Variants in STK39 observed in about 807,000 individuals in gnomAD.
STK39 encodes the protein STE20/SPS1-related proline-alanine-rich protein kinase.
STK39 carries 20 observed loss-of-function variants against 77.8 expected under a neutral mutation model. That is an observed-to-expected ratio of 0.26 (90% CI 0.18 to 0.37). The LOEUF (loss-of-function observed/expected upper bound fraction) is 0.37, where lower values mean the gene tolerates loss of function less well. Among genes scored for constraint, STK39 ranks in the 10% least tolerant of loss-of-function variants. The pLI is 1.00. For synonymous variants in STK39, 246 were observed against 234.1 expected, an observed-to-expected ratio of 1.05 and a Z score of -0.47; for missense variants, 479 against 656.5, an observed-to-expected ratio of 0.73 and a Z score of 2.95.
intron 5 of STK39, among the ~76,000 whole-genome samples, chr2:168,153,771 G>A (rs941208376): frequency 9.2e-5 from 14 of 152,272 alleles, no homozygotes; most frequent in Non-Finnish European, 1.3e-4. Flanking sequence ...GCAGCAGCAT[G>A]CAAGGTAAGG....
chr2:168,240,455 G>A (rs1486904043), intron 1 of STK39, among the ~76,000 whole-genome samples: 1 of 152,134 alleles, frequency 6.6e-6, no homozygotes, highest in Non-Finnish European at 1.5e-5. Flanking sequence ...AATCGATAAG[G>A]GCCTGAACTA....
rs569731423 is a variant in STK39, at chr2:167,989,474, A to G, written c.1498+23160T>C. Among the ~76,000 whole-genome samples, 111 of 152,300 alleles carry G rather than the reference A, an allele frequency of 7.3e-4. 1 individual carries two copies. The highest frequency in any genetic ancestry group is 2.6e-3 in the African/African-American group (107 of 41,576). ...CATTTCATTTGTATGCAAGAACAAG[A>G]TAAATGAAATCAAGATTTTAAATAG... On this transcript the variant is annotated intron_variant, in intron 16 of 17. Transcript: ENST00000355999.
chr2:168,182,542 A>G (rs1260819741), intron 1 of STK39, among the ~76,000 whole-genome samples: 2 of 152,232 alleles, frequency 1.3e-5, no homozygotes, highest in Non-Finnish European at 2.9e-5. Context: ...CTTGCTCCAC[A>G]ATGAGAAAAA....
intron 14 of STK39, among the ~76,000 whole-genome samples, chr2:168,057,157 T>A (rs1248449854): frequency 6.6e-6 from 1 of 152,204 alleles, no homozygotes; most frequent in African/African-American, 2.4e-5. Context: ...TGGTGGCCCA[T>A]GGCTATGCTC....
At chr2:168,067,247 C>G (rs1685819883) in intron 12 of STK39, among the ~76,000 whole-genome samples, 1 of 152,102 alleles carries the variant, frequency 6.6e-6, no homozygotes, top group African/African-American at 2.4e-5. Context: ...AATGTTATCT[C>G]CAATGTTGGA....
At chr2:168,150,676 T>A (rs928831977) in intron 5 of STK39, among the ~76,000 whole-genome samples, 1 of 151,804 alleles carries the variant, frequency 6.6e-6, no homozygotes. Flanking sequence ...ATTGCGGTTT[T>A]AAATTAAAAG....
intron 1 of STK39, among the ~76,000 whole-genome samples, chr2:168,242,648 C>A (rs1690798717): frequency 6.9e-6 from 1 of 145,368 alleles, no homozygotes; most frequent in Non-Finnish European, 1.5e-5. Context: ...CATTGGGAAG[C>A]CAAGGCCGGA....
intron 1 of STK39, among the ~76,000 whole-genome samples, chr2:168,243,745 C>CCAA (rs1553465127): frequency 6.6e-6 from 1 of 152,204 alleles, no homozygotes; most frequent in Non-Finnish European, 1.5e-5. Flanking sequence ...CATTCCATTA[C>CCAA]GGATGGCCAA....
chr2:167,989,741 A>G (rs1001858122), intron 16 of STK39, among the ~76,000 whole-genome samples: 3 of 152,188 alleles, frequency 2.0e-5, no homozygotes, highest in African/African-American at 7.2e-5. Flanking sequence ...TAGTCCAATT[A>G]AGTGTTATTT....
intron 16 of STK39, among the ~76,000 whole-genome samples, chr2:167,974,679 A>T (rs1353327715): frequency 1.3e-5 from 2 of 152,204 alleles, no homozygotes; most frequent in African/African-American, 2.4e-5. Flanking sequence ...ATTTAAAGTC[A>T]TTTCCACGGT....
At chr2:168,108,500 A>C (rs930552956) in intron 10 of STK39, among the ~76,000 whole-genome samples, 7 of 152,002 alleles carry the variant, frequency 4.6e-5, no homozygotes, top group Non-Finnish European at 8.8e-5. Flanking sequence ...GTGAGCCATG[A>C]CTGCACCACT....
chr2:167,977,621 G>A (rs1683313667), intron 16 of STK39, among the ~76,000 whole-genome samples: 1 of 151,698 alleles, frequency 6.6e-6, no homozygotes, highest in African/African-American at 2.4e-5. Flanking sequence ...AGCAACAGCT[G>A]TTGAAAAGTA....
In STK39 at chr2:168,011,769, T is replaced by G. The variant is rs571635777; in HGVS notation, c.1498+865A>C. ...AAAGGAGGTAGAAAGACCCACAGTT[T>G]CAAAGTGAAATTCTTCTGCCACAAC... On this transcript the variant is annotated intron_variant, in intron 16 of 17. Transcript: ENST00000355999. 1.1e-4 allele frequency among the ~76,000 whole-genome samples: 17 copies of G among 152,224 alleles called. 3 individuals carry two copies. The South Asian group carries it at 3.5e-3, about 32-fold the overall frequency.
chr2:167,982,884 G>A (rs973937676), intron 16 of STK39, among the ~76,000 whole-genome samples: 2 of 152,156 alleles, frequency 1.3e-5, no homozygotes, highest in Non-Finnish European at 2.9e-5. Context: ...CCATCTCACA[G>A]AAGTAATCTT....
chr2:168,115,423 C>G (rs1687233495), intron 10 of STK39, among the ~76,000 whole-genome samples: 1 of 152,126 alleles, frequency 6.6e-6, no homozygotes, highest in Non-Finnish European at 1.5e-5. Flanking sequence ...AATTATAAAC[C>G]ATATACTCTT....
At chr2:168,179,522 A>G (rs1689032458) in intron 2 of STK39, among the ~76,000 whole-genome samples, 1 of 152,252 alleles carries the variant, frequency 6.6e-6, no homozygotes, top group Admixed American at 6.5e-5. Context: ...CATCAAAGCA[A>G]TAAATCAATA....
At chr2:168,106,783 C>A (rs1397444377) in intron 10 of STK39, among the ~76,000 whole-genome samples, 1 of 152,142 alleles carries the variant, frequency 6.6e-6, no homozygotes, top group Non-Finnish European at 1.5e-5. Context: ...GTTCACACCA[C>A]TGCACTCCAG....
intron 2 of STK39, among the ~76,000 whole-genome samples, chr2:168,179,008 C>G (rs1208580080): frequency 1.3e-5 from 2 of 152,116 alleles, no homozygotes; most frequent in African/African-American, 4.8e-5. Flanking sequence ...GGAGGTGTTA[C>G]AGTTTCATCA....
At chr2:168,043,098 T>C (rs1685150521) in intron 14 of STK39, among the ~76,000 whole-genome samples, 1 of 152,184 alleles carries the variant, frequency 6.6e-6, no homozygotes, top group Admixed American at 6.5e-5. Flanking sequence ...CGCCCAACTT[T>C]ACCCAGTCAA....
Sources: allele counts gnomAD v4.1 joint callset (sites outside exome capture counted in the v4.1 genomes callset), GRCh38; gene constraint gnomAD v4.1.1; transcripts MANE v1.5; gene names NCBI Gene and HGNC (gene_info 2026-07-23, HGNC 2026-07-21).